SPMIP7: variants seen among roughly 807,000 people sequenced by gnomAD.
SPMIP7 encodes protein SPMIP7.
At chr7:50,145,417 T>C in the SPMIP7 span, among the ~76,000 whole-genome samples, 1 of 150,824 alleles carries the variant, frequency 6.6e-6, no homozygotes, top group Admixed American at 6.6e-5. Context: ...TTTCAGTGCT[T>C]TGCAGTCATG....
the SPMIP7 span, chr7:50,129,601 G>A: frequency 5.5e-6 from 4 of 727,280 alleles, no homozygotes; most frequent in East Asian, 5.6e-5. Context: ...TCCAAGAGGT[G>A]CGTGAAAGAA....
At chr7:50,136,627 T>C in the SPMIP7 span, among the ~76,000 whole-genome samples, 3 of 152,290 alleles carry the variant, frequency 2.0e-5, no homozygotes, top group African/African-American at 7.2e-5. Flanking sequence ...ATGGACTTTA[T>C]ATAAAATAGA....
chr7:50,134,207 T>A, the SPMIP7 span: 1 of 1,549,838 alleles, frequency 6.5e-7, no homozygotes, highest in African/African-American at 1.4e-5. Context: ...CACAGTGTTT[T>A]ACTCTGAAAA....
chr7:50,140,677 C>G, the SPMIP7 span, among the ~76,000 whole-genome samples: 1 of 152,178 alleles, frequency 6.6e-6, no homozygotes, highest in Admixed American at 6.5e-5. Context: ...AACCTTGAAA[C>G]AAAACAAAGT....
At chr7:50,140,726 C>T in the SPMIP7 span, among the ~76,000 whole-genome samples, 2 of 152,208 alleles carry the variant, frequency 1.3e-5, no homozygotes, top group African/African-American at 4.8e-5. Context: ...GACCTTTAGT[C>T]CTGGCCCACC....
At chr7:50,151,564 A>G in the SPMIP7 span, 12 of 1,522,088 alleles carry the variant, frequency 7.9e-6, no homozygotes, top group African/African-American at 1.4e-5. Context: ...ACCGGTAAGT[A>G]TGAATCCTAT....
At chr7:50,149,113 C>G in the SPMIP7 span, among the ~76,000 whole-genome samples, 1 of 150,554 alleles carries the variant, frequency 6.6e-6, no homozygotes, top group Admixed American at 6.6e-5. Context: ...CCACTGTACT[C>G]CAGCCTGGGC....
chr7:50,129,237 C>T, the SPMIP7 span, among the ~76,000 whole-genome samples: 7 of 151,602 alleles, frequency 4.6e-5, no homozygotes, highest in Admixed American at 2.6e-4. Flanking sequence ...CAAAAGGAGG[C>T]AACAAATTGG....
At chr7:50,145,636 A>G in the SPMIP7 span, among the ~76,000 whole-genome samples, 55 of 98,532 alleles carry the variant, frequency 5.6e-4, 4 homozygotes, top group South Asian at 1.8e-3. Context: ...ATATATATAT[A>G]TATATATATA....
the SPMIP7 span, among the ~76,000 whole-genome samples, chr7:50,153,284 C>A: frequency 6.6e-6 from 1 of 152,210 alleles, no homozygotes; most frequent in East Asian, 1.9e-4. Flanking sequence ...AGAGCTCCTG[C>A]TCTGATCAGC....
chr7:50,120,299 T>TTGTA, the SPMIP7 span: 5 of 152,168 alleles, frequency 3.3e-5, no homozygotes, highest in South Asian at 2.1e-4. Context: ...ATGGTGCCAG[T>TTGTA]TGTATGGAAC....
the SPMIP7 span, among the ~76,000 whole-genome samples, chr7:50,137,060 A>C: frequency 6.6e-6 from 1 of 152,152 alleles, no homozygotes; most frequent in South Asian, 2.1e-4. Flanking sequence ...CATTCTTATA[A>C]TTTTTTAAAA....
At chr7:50,147,574 C>T in the SPMIP7 span, among the ~76,000 whole-genome samples, 14 of 152,244 alleles carry the variant, frequency 9.2e-5, no homozygotes, top group Admixed American at 4.6e-4. Flanking sequence ...AATTTCTATG[C>T]ATGCCTAAAT....
At chr7:50,115,925 T>A in the SPMIP7 span, among the ~76,000 whole-genome samples, 1 of 152,174 alleles carries the variant, frequency 6.6e-6, no homozygotes, top group Non-Finnish European at 1.5e-5. Flanking sequence ...CAAGCAAGTA[T>A]GTCCTCTTTC....
chr7:50,105,360 A>T, the SPMIP7 span, among the ~76,000 whole-genome samples: 28 of 152,334 alleles, frequency 1.8e-4, no homozygotes, highest in Admixed American at 1.4e-3. Context: ...TTAGCAGTAA[A>T]GGTATGAATA....
the SPMIP7 span, chr7:50,140,049 G>A: frequency 1.2e-6 from 1 of 851,710 alleles, no homozygotes; most frequent in Non-Finnish European, 1.8e-6. Flanking sequence ...ATCTGTGAAG[G>A]CTTTTGTCTT....
chr7:50,145,604 G>GTATATA, the SPMIP7 span, among the ~76,000 whole-genome samples: 3 of 50,804 alleles, frequency 5.9e-5, 1 homozygote, highest in African/African-American at 2.4e-4. Context: ...GTGTGTGTGT[G>GTATATA]TGTATATGTG....
the SPMIP7 span, among the ~76,000 whole-genome samples, chr7:50,136,476 G>A: frequency 6.6e-6 from 1 of 152,104 alleles, no homozygotes; most frequent in Admixed American, 6.6e-5. Flanking sequence ...GATGCAGTGA[G>A]CTGAGATCAC....
At chr7:50,132,682 G>A in the SPMIP7 span, among the ~76,000 whole-genome samples, 2 of 152,048 alleles carry the variant, frequency 1.3e-5, no homozygotes, top group African/African-American at 2.4e-5. Context: ...ACTTTGCCAT[G>A]ATTTAAAATA....
Sources: allele counts gnomAD v4.1 joint callset (sites outside exome capture counted in the v4.1 genomes callset), GRCh38; gene constraint gnomAD v4.1.1; transcripts MANE v1.5; gene names NCBI Gene and HGNC (gene_info 2026-07-23, HGNC 2026-07-21).